Variants in STRN4 observed in about 807,000 individuals in gnomAD.
The protein encoded by STRN4 is striatin-4.
A neutral mutation model predicts 77.9 loss-of-function variants in STRN4; 27 were observed. That is an observed-to-expected ratio of 0.35 (90% CI 0.26 to 0.48). STRN4 has a LOEUF of 0.48. Ranked by LOEUF, STRN4 falls within the 20% of genes least tolerant of loss-of-function variation. STRN4 has a pLI of 0.99. For synonymous variants in STRN4, 466 were observed against 443.1 expected, an observed-to-expected ratio of 1.05 and a Z score of -0.65; for missense variants, 798 against 1,049.7, an observed-to-expected ratio of 0.76 and a Z score of 3.31.
At chr19:46,740,696 C>T (rs1223943219) in intron 1 of STRN4, among the ~76,000 whole-genome samples, 1 of 152,170 alleles carries the variant, frequency 6.6e-6, no homozygotes, top group African/African-American at 2.4e-5. Flanking sequence ...TGACTGCCCA[C>T]ACACATCAGG....
In STRN4 at chr19:46,722,844, A is replaced by G; in HGVS notation, c.1872T>C (p.Ser624=). ...CCCGGGACTCCAGCGTGAGGAGGGC[A>G]CTGCCAACCTCCATGTCATACAAGA... ...DTVLYDMEVG[S]ALLTLESRGS... Residue 624 remains serine, a synonymous_variant, in exon 14 of 18, where the codon AGT becomes AGC. Transcript: ENST00000263280. The G allele has an allele frequency of 6.2e-7, 1 of 1,613,910 alleles. No individual in the cohort carries two copies. The highest frequency in any genetic ancestry group is 8.5e-7 in the Non-Finnish European group (1 of 1,180,028).
chr19:46,735,956 C>T (rs971880675), intron 4 of STRN4, among the ~76,000 whole-genome samples: 5 of 149,292 alleles, frequency 3.3e-5, no homozygotes, highest in African/African-American at 9.9e-5. Flanking sequence ...AAGAGCGAAA[C>T]TCTGTCTCAA....
chr19:46,736,601 C>G (rs1289589163), intron 4 of STRN4, among the ~76,000 whole-genome samples: 1 of 147,142 alleles, frequency 6.8e-6, no homozygotes. Context: ...GGGACACATT[C>G]CAACAGGGGT....
rs373523653 is a variant in STRN4 at position 46,742,572 on chromosome 19, A to C, written c.282+3577T>G. ...ATTCACTGTTTCTTTTTTTATTTTT[A>C]TTTTTTTTGAGATGGCATCTCGCTC... On this transcript the variant is annotated intron_variant, in intron 1 of 17. Transcript: ENST00000263280. 1.6e-3 allele frequency among the ~76,000 whole-genome samples: 236 copies of C among 151,656 alleles called. 1 individual carries two copies. Among genetic ancestry groups the C allele is most frequent in the African/African-American group, 5.0e-3 (208 of 41,328 alleles).
chr19:46,732,757 G>A (rs1283571526), intron 5 of STRN4: 4 of 414,912 alleles, frequency 9.6e-6, no homozygotes, highest in Admixed American at 4.1e-5. Context: ...GTGTGCCTTC[G>A]GTAAGCACCC....
intron 8 of STRN4, 115 bp from the exon 9 acceptor site, chr19:46,727,661 G>A (rs955657445): frequency 1.1e-6 from 1 of 869,740 alleles, no homozygotes; most frequent in Non-Finnish European, 1.8e-6. Flanking sequence ...AAGAGAGAGA[G>A]ACGGGGAGAG....
chr19:46,740,442 G>A (rs1234306737), intron 1 of STRN4, among the ~76,000 whole-genome samples: 1 of 151,968 alleles, frequency 6.6e-6, no homozygotes, highest in African/African-American at 2.4e-5. Flanking sequence ...CTACTTATAT[G>A]ACATCAGCAT....
intron 1 of STRN4, 128 bp downstream of exon 1, chr19:46,746,021 G>C: frequency 8.4e-7 from 1 of 1,184,218 alleles, no homozygotes. Context: ...GACCGTCGCG[G>C]TCCCCTCCCG....
In STRN4 at chr19:46,730,874, C is replaced by T. The variant is rs1335514758; in HGVS notation, c.738-1G>A. 1 of 1,610,324 alleles carries T rather than the reference C, an allele frequency of 6.2e-7. No homozygotes were observed. The highest frequency in any genetic ancestry group is 8.5e-7 in the Non-Finnish European group (1 of 1,179,964). ...TTTGCCATCTTTGCCTGCCGCGTTC[C>T]TGCCAAAGACAGCAGAGCAGAGGAG... On this transcript the variant is annotated splice_acceptor_variant, in intron 5 of 17. Coordinates refer to ENST00000263280, the MANE Select transcript of STRN4 (RefSeq NM_013403.3). LOFTEE classifies it high-confidence loss of function.
At chr19:46,721,073 T>G in intron 16 of STRN4, 1 of 286,832 alleles carries the variant, frequency 3.5e-6, no homozygotes. Context: ...ACGCTGCAGC[T>G]GGGCAACAGG....
rs149222644 is a variant in STRN4 at position 46,721,853 on chromosome 19, C to T, written c.2092+133G>A. 704 of 900,706 alleles carry T rather than the reference C, an allele frequency of 7.8e-4. 6 individuals are homozygous for T. In the African/African-American group the frequency reaches 9.8e-3, roughly 13 times the overall value. 55.8% of individuals were successfully genotyped at this position (900,706 alleles called of 1,614,324 possible). A position where few individuals can be genotyped will look rare whatever the true frequency, so the allele number is the denominator to read the frequency against. ...ACTGTGCTGCCCCCTATGGTCACCA[C>T]GGTCATTCCCGCCCAGACCAGCCTC... On this transcript the variant is annotated intron_variant, in intron 16 of 17. Coordinates refer to ENST00000263280, the MANE Select transcript of STRN4 (RefSeq NM_013403.3).
intron 6 of STRN4, among the ~76,000 whole-genome samples, chr19:46,730,115 G>C (rs1446156267): frequency 6.6e-6 from 1 of 152,208 alleles, no homozygotes; most frequent in African/African-American, 2.4e-5. Flanking sequence ...AGGACCAAGC[G>C]TCTGGACCAG....
Position 46,738,816 on chromosome 19 carries a change from T to C in STRN4, c.355A>G (p.Lys119Glu), listed in dbSNP as rs749895480. 17 of 1,614,084 alleles carry C rather than the reference T, an allele frequency of 1.1e-5. No individual in the cohort carries two copies. In the African/African-American group the frequency reaches 1.7e-4, roughly 16 times the overall value. ...TGCTTCAGCGCATACTCTAGCATCT[T>C]GATCCGCCGCACCAGGTCCGTCTTT... ...NLKTDLVRRIKMLEYALKQER... is the reference protein window; with the variant it reads ...NLKTDLVRRIEMLEYALKQER... The change falls in exon 2 of 18, where the codon AAG becomes GAG. Residue 119 changes from lysine to glutamate, a missense_variant. This residue lies in a region of STRN4 where 511 missense variants were observed against 575.9 expected (regional missense o/e 0.89). Coordinates refer to ENST00000263280, the MANE Select transcript of STRN4 (RefSeq NM_013403.3). The surrounding 1 kb of genome is among the most constrained non-coding windows in gnomAD (Gnocchi z 4.5).
In STRN4 at chr19:46,722,897, C is replaced by T; in HGVS notation, c.1819G>A (p.Val607Met). The stretch of plus-strand genomic sequence containing the variant: ...GTGTCGCCAGAGCGGAAGGAGGCCA[C>T]GATGTGGGCAGGCTCGGTGCTGGTG... Reference protein sequence around the residue: ...AFTSTEPAHIVASFRSGDTVL... With the variant: ...AFTSTEPAHIMASFRSGDTVL... The change falls in exon 14 of 18, where the codon GTG becomes ATG. Residue 607 changes from valine (V) to methionine (M), a missense_variant. This residue lies in a region of STRN4 where 287 missense variants were observed against 473.8 expected (regional missense o/e 0.61). Coordinates refer to ENST00000263280, the MANE Select transcript of STRN4 (RefSeq NM_013403.3). 1 of 1,613,998 alleles carries T rather than the reference C, an allele frequency of 6.2e-7. No individual in the cohort carries two copies. Among genetic ancestry groups the T allele is most frequent in the Non-Finnish European group, 8.5e-7 (1 of 1,180,034 alleles).
At chr19:46,746,123 G>T (rs533261221) in intron 1 of STRN4, 26 bp downstream of exon 1, 3 of 1,479,296 alleles carry the variant, frequency 2.0e-6, no homozygotes, top group Non-Finnish European at 2.7e-6. Flanking sequence ...CGGGTTGGGG[G>T]TCGGGGGTCC....
At chr19:46,722,706 G>A (rs2122226014) in intron 14 of STRN4, 104 bp downstream of exon 14, 3 of 1,497,966 alleles carry the variant, frequency 2.0e-6, no homozygotes, top group South Asian at 2.5e-5. Flanking sequence ...AGGGTGCAGG[G>A]GAGTCATCTG....
rs1381960073 is a variant in STRN4 at position 46,720,598 on chromosome 19, G to A, written c.*4C>T. 5 of 1,566,174 alleles carry A rather than the reference G, an allele frequency of 3.2e-6. No individual in the cohort carries two copies. The Admixed American group carries it at 8.8e-5, about 28-fold the overall frequency. On this transcript the variant is annotated 3_prime_UTR_variant, in exon 17 of 18. Transcript: ENST00000263280. Reference sequence around the variant, plus strand: ...GTGGCGGCCAGGGCAGGGCCAGGTGGGCATCATACGAAGACCTTGGCCAGG... The same window carrying A: ...GTGGCGGCCAGGGCAGGGCCAGGTGAGCATCATACGAAGACCTTGGCCAGG...
intron 1 of STRN4, among the ~76,000 whole-genome samples, chr19:46,742,089 T>A (rs1421759073): frequency 6.6e-6 from 1 of 152,078 alleles, no homozygotes; most frequent in African/African-American, 2.4e-5. Flanking sequence ...AGCCACACAA[T>A]CAACTGTGCA....
chr19:46,722,237 C>T lies in STRN4; in HGVS notation c.2005+5G>A. The T allele has an allele frequency of 6.2e-7, 1 of 1,614,094 alleles. No individual in the cohort carries two copies. The highest frequency in any genetic ancestry group is 8.5e-7 in the Non-Finnish European group (1 of 1,179,976). ...CCACTACGAGCACAAGGGGCTAGGC[C>T]TCACCTGTCCGATTGTCCAGGAAGC... On this transcript the variant is annotated splice_donor_5th_base_variant and intron_variant, in intron 15 of 17. Transcript: ENST00000263280.
Sources: allele counts gnomAD v4.1 joint callset (sites outside exome capture counted in the v4.1 genomes callset), GRCh38; gene constraint gnomAD v4.1.1; regional missense constraint gnomAD v4.1.1; non-coding constraint Gnocchi (gnomAD v3.1); transcripts MANE v1.5; gene names NCBI Gene and HGNC (gene_info 2026-07-23, HGNC 2026-07-21).